SLC17A1: variants seen among roughly 807,000 people sequenced by gnomAD.
SLC17A1 encodes the protein sodium-dependent phosphate transport protein 1.
In SLC17A1, 51 loss-of-function variants were observed where a neutral mutation model predicts 53.5. That is an observed-to-expected ratio of 0.95 (90% CI 0.76 to 1.20). The LOEUF is 1.20. Among genes scored for constraint, SLC17A1 ranks in the 50% most tolerant of loss-of-function variants. The pLI, the probability that SLC17A1 is intolerant of heterozygous loss-of-function variation, is 0.00. For missense variants in SLC17A1, 538 were observed against 568.2 expected, an observed-to-expected ratio of 0.95 and a Z score of 0.54; for synonymous variants, 179 against 198.8, an observed-to-expected ratio of 0.90 and a Z score of 0.84.
chr6:25,759,251 G>A, the SLC17A1 span, among the ~76,000 whole-genome samples: 2 of 152,156 alleles, frequency 1.3e-5, no homozygotes, highest in East Asian at 1.9e-4. Context: ...CCCATGTGCT[G>A]ATGAATAGAA....
At chr6:25,813,065 G>A (rs778901150) in intron 7 of SLC17A1, 30 bp downstream of exon 7, 1 of 1,611,322 alleles carries the variant, frequency 6.2e-7, no homozygotes, top group Non-Finnish European at 8.5e-7. Flanking sequence ...TAGAATCTGG[G>A]AGATGCCAAT....
At chr6:25,730,957 T>G in the SLC17A1 span, among the ~76,000 whole-genome samples, 1 of 152,182 alleles carries the variant, frequency 6.6e-6, no homozygotes, top group African/African-American at 2.4e-5. Flanking sequence ...GGATGGAGGT[T>G]GAACAGAGAC....
intron 10 of SLC17A1, among the ~76,000 whole-genome samples, chr6:25,806,489 C>A (rs1242916124): frequency 6.6e-6 from 1 of 151,998 alleles, no homozygotes; most frequent in Non-Finnish European, 1.5e-5. Context: ...CCCACTTTCA[C>A]CACTTCTGGT....
the SLC17A1 span, among the ~76,000 whole-genome samples, chr6:25,753,808 C>G: frequency 4.9e-4 from 75 of 151,904 alleles, no homozygotes; most frequent in African/African-American, 1.8e-3. Flanking sequence ...AAGTTGAAGT[C>G]GAAGCTCAGA....
At chr6:25,737,597 G>A in the SLC17A1 span, among the ~76,000 whole-genome samples, 1 of 151,976 alleles carries the variant, frequency 6.6e-6, no homozygotes, top group Non-Finnish European at 1.5e-5. Flanking sequence ...GCAGGCAAAA[G>A]AAACCCATTG....
chr6:25,810,475 T>C (rs1488544151), intron 10 of SLC17A1, among the ~76,000 whole-genome samples: 1 of 152,028 alleles, frequency 6.6e-6, no homozygotes, highest in Non-Finnish European at 1.5e-5. Flanking sequence ...CAAAAAAAGA[T>C]ATACTATCAA....
the SLC17A1 span, among the ~76,000 whole-genome samples, chr6:25,761,390 C>T: frequency 6.6e-6 from 1 of 152,128 alleles, no homozygotes; most frequent in Admixed American, 6.5e-5. Flanking sequence ...GATCTCAGGC[C>T]CCCACATCAC....
chr6:25,808,660 C>T (rs1764042622), intron 10 of SLC17A1, among the ~76,000 whole-genome samples: 1 of 152,096 alleles, frequency 6.6e-6, no homozygotes, highest in South Asian at 2.1e-4. Flanking sequence ...AAACTTTCAA[C>T]ATCACTAATC....
the SLC17A1 span, among the ~76,000 whole-genome samples, chr6:25,736,784 A>G: frequency 2.0e-5 from 3 of 152,204 alleles, no homozygotes; most frequent in African/African-American, 7.2e-5. Context: ...GTCTTTCTAC[A>G]CAGTAAAAAT....
At chr6:25,820,897 C>CA (rs59962368) in intron 3 of SLC17A1, among the ~76,000 whole-genome samples, 24,049 of 61,538 alleles carry the variant, frequency 0.39, 3,626 homozygotes, top group Non-Finnish European at 0.42. Context: ...GACTCCATCT[C>CA]AAAAAAAAAA....
the SLC17A1 span, chr6:25,726,764 A>C: frequency 6.0e-6 from 7 of 1,164,614 alleles, no homozygotes; most frequent in South Asian, 3.1e-5. Context: ...CGCATCTTTC[A>C]TCCTCCAGTT....
At chr6:25,732,990 G>A in the SLC17A1 span, among the ~76,000 whole-genome samples, 1 of 152,174 alleles carries the variant, frequency 6.6e-6, no homozygotes, top group African/African-American at 2.4e-5. Flanking sequence ...ACAAAATGCT[G>A]TTTCGTCAAT....
chr6:25,739,899 C>T, the SLC17A1 span, among the ~76,000 whole-genome samples: 3 of 152,046 alleles, frequency 2.0e-5, no homozygotes, highest in East Asian at 1.9e-4. Flanking sequence ...AATCTACACA[C>T]GTGATAAAAT....
the SLC17A1 span, among the ~76,000 whole-genome samples, chr6:25,752,970 A>C: frequency 5.0e-5 from 5 of 99,430 alleles, no homozygotes; most frequent in African/African-American, 1.5e-4. Context: ...AAAAAAAAAC[A>C]AAAAAAAAAC....
chr6:25,792,182 A>G (rs1234236706), intron 12 of SLC17A1, among the ~76,000 whole-genome samples: 1 of 152,186 alleles, frequency 6.6e-6, no homozygotes, highest in Non-Finnish European at 1.5e-5. Context: ...GAACCAACCA[A>G]TCAGAGCTCA....
chr6:25,745,329 A>G, the SLC17A1 span, among the ~76,000 whole-genome samples: 2 of 152,142 alleles, frequency 1.3e-5, no homozygotes, highest in African/African-American at 4.8e-5. Flanking sequence ...TAACATATAT[A>G]TGTATGGATA....
intron 6 of SLC17A1, among the ~76,000 whole-genome samples, chr6:25,815,650 A>G (rs780736962): frequency 2.0e-5 from 3 of 152,130 alleles, no homozygotes; most frequent in Non-Finnish European, 2.9e-5. Context: ...GCTCTCCTCC[A>G]GAGCTGACAG....
the SLC17A1 span, chr6:25,776,997 A>G: frequency 1.9e-6 from 3 of 1,569,152 alleles, no homozygotes; most frequent in South Asian, 1.2e-5. Context: ...CAGACACTCA[A>G]TTCAAGTCTA....
chr6:25,777,602 ACAAC>A, the SLC17A1 span: 1,598 of 211,040 alleles, frequency 7.6e-3, 25 homozygotes, highest in African/African-American at 0.033. Context: ...AACAACAACA[ACAAC>A]AAAAACCTTA....
Sources: gnomAD v4.1 joint callset for allele counts (sites outside exome capture counted in the v4.1 genomes callset) on GRCh38, gnomAD v4.1.1 for gene constraint, MANE v1.5 for transcripts, NCBI Gene and HGNC (gene_info 2026-07-23, HGNC 2026-07-21) for gene names.